The following GRB14 variants were observed in gnomAD, a reference collection of about 807,000 sequenced individuals.
The protein encoded by GRB14 is growth factor receptor-bound protein 14.
A neutral mutation model predicts 69.1 loss-of-function variants in GRB14; 38 were observed. The ratio of observed to expected loss-of-function variants is 0.55; its 90% CI spans 0.42 to 0.72. The LOEUF (loss-of-function observed/expected upper bound fraction) is 0.72, where lower values mean the gene tolerates loss of function less well. Among genes scored for constraint, GRB14 ranks in the 30% least tolerant of loss-of-function variants. The pLI is 0.00. For missense variants in GRB14, 666 were observed against 666.1 expected, an observed-to-expected ratio of 1.00 and a Z score of 0.00; for synonymous variants, 247 against 241.3, an observed-to-expected ratio of 1.02 and a Z score of -0.22.
chr2:164,565,527 A>G (rs562444435), intron 2 of GRB14, among the ~76,000 whole-genome samples: 1 of 152,316 alleles, frequency 6.6e-6, no homozygotes, highest in South Asian at 2.1e-4. Flanking sequence ...TTCTATTTCT[A>G]GCTCTGCCAC....
At chr2:164,620,957 C>G (rs1365668874) in intron 1 of GRB14, among the ~76,000 whole-genome samples, 162 bp downstream of exon 1, 1 of 152,172 alleles carries the variant, frequency 6.6e-6, no homozygotes, top group Non-Finnish European at 1.5e-5. Context: ...ATCGCAATGT[C>G]CTGCTGATCC....
chr2:164,567,585 C>T (rs915675964), intron 2 of GRB14, among the ~76,000 whole-genome samples: 2 of 152,112 alleles, frequency 1.3e-5, no homozygotes, highest in Non-Finnish European at 2.9e-5. Flanking sequence ...AAGTCCAGTG[C>T]AATGTTCTTA....
intron 1 of GRB14, among the ~76,000 whole-genome samples, chr2:164,620,436 T>C (rs988440859): frequency 3.9e-5 from 6 of 152,102 alleles, no homozygotes; most frequent in Admixed American, 3.3e-4. Context: ...GGTAAGTTAA[T>C]AGAACTTGCT....
intron 3 of GRB14, among the ~76,000 whole-genome samples, chr2:164,532,862 A>G (rs1687982690): frequency 6.6e-6 from 1 of 152,212 alleles, no homozygotes; most frequent in African/African-American, 2.4e-5. Flanking sequence ...ACAGAGGTTC[A>G]GAATAGCCAT....
At chr2:164,505,581 A>G (rs1253709838) in intron 8 of GRB14, among the ~76,000 whole-genome samples, 2 of 152,176 alleles carry the variant, frequency 1.3e-5, no homozygotes, top group Non-Finnish European at 2.9e-5. Context: ...CAGGCTTAGA[A>G]TAAGAAGAAG....
intron 3 of GRB14, among the ~76,000 whole-genome samples, chr2:164,542,715 G>C (rs1268598749): frequency 6.6e-6 from 1 of 152,060 alleles, no homozygotes; most frequent in African/African-American, 2.4e-5. Flanking sequence ...CAGTCAGAAT[G>C]GCTATCATCA....
chr2:164,515,697 A>G (rs943163638), intron 6 of GRB14, among the ~76,000 whole-genome samples: 1 of 152,082 alleles, frequency 6.6e-6, no homozygotes, highest in Non-Finnish European at 1.5e-5. Flanking sequence ...CCAGCAATGG[A>G]TCCAAACCAA....
intron 3 of GRB14, among the ~76,000 whole-genome samples, chr2:164,529,438 C>T (rs150422822): frequency 0.014 from 2,151 of 152,220 alleles, 41 homozygotes; most frequent in African/African-American, 0.047. Context: ...AACTTAAAAA[C>T]GAAACAAAGT....
At position 164,498,499 on chromosome 2, in the gene GRB14, A is replaced by G. The variant is rs116024453; in HGVS notation, c.1105-1009T>C. ...TCTAGTCAAGAATCCCACTCAGTTC[A>G]TAAGTTCATACAACATCAAGAAGGA... On this transcript the variant is annotated intron_variant, in intron 9 of 13. Transcript: ENST00000263915. Among the ~76,000 whole-genome samples the G allele has an allele frequency of 2.7e-3, 409 of 152,310 alleles. 5 individuals carry two copies. The highest frequency in any genetic ancestry group is 9.4e-3 in the African/African-American group (389 of 41,568).
At chr2:164,619,648 T>G (rs752401531) in intron 2 of GRB14, 39 bp downstream of exon 2, 1 of 1,441,528 alleles carries the variant, frequency 6.9e-7, no homozygotes, top group Non-Finnish European at 9.5e-7. Flanking sequence ...GATTCAGAAC[T>G]CCTAAGATTT....
Position 164,527,020 on chromosome 2 carries a change from G to A in GRB14, c.597C>T (p.Asn199=). 1 of 1,588,948 alleles carries A rather than the reference G, an allele frequency of 6.3e-7. No homozygotes were observed. The highest frequency in any genetic ancestry group is 2.3e-5 in the East Asian group (1 of 43,512). The change falls in exon 4 of 14, where the codon AAC becomes AAT. Residue 199 remains asparagine (N), a synonymous_variant. Transcript: ENST00000263915. ...KNYAKYEFFK[N]PMYFFPEHMV... ...TAGGAGGGATTTCACTTACCATTGG[G>A]TTTTTAAAGAACTCATATTTGGCAT...
At chr2:164,585,350 A>G (rs1443131089) in intron 2 of GRB14, among the ~76,000 whole-genome samples, 2 of 152,004 alleles carry the variant, frequency 1.3e-5, no homozygotes, top group Non-Finnish European at 2.9e-5. Flanking sequence ...AAAACAAGCT[A>G]AATGGTACAA....
rs1454643053 is a variant in GRB14, at chr2:164,569,612, G to A, written c.325-21796C>T. Among the ~76,000 whole-genome samples, 3 of 152,138 alleles carry A rather than the reference G, an allele frequency of 2.0e-5. No homozygotes were observed. The East Asian group carries it at 5.8e-4, about 29-fold the overall frequency. On this transcript the variant is annotated intron_variant, in intron 2 of 13. Coordinates refer to ENST00000263915, the MANE Select transcript of GRB14 (RefSeq NM_004490.3). ...CATTTCGTTATCTTGACTGCTACTA[G>A]GCAGTGTTCACTTTACTGCTTTATA...
chr2:164,550,509 A>C (rs1688507118), intron 2 of GRB14, among the ~76,000 whole-genome samples: 1 of 152,218 alleles, frequency 6.6e-6, no homozygotes, highest in South Asian at 2.1e-4. Context: ...GCAATGAAAT[A>C]GTTGCTCTCT....
chr2:164,585,113 TTTTTTTTTTTTTTTA>T (rs1689507694), intron 2 of GRB14, among the ~76,000 whole-genome samples: 1 of 120,486 alleles, frequency 8.3e-6, no homozygotes, highest in African/African-American at 3.6e-5. Flanking sequence ...TTTTTTTTTT[TTTTTTTTTTTTTTTA>T]GTAGAGATGG....
intron 2 of GRB14, among the ~76,000 whole-genome samples, chr2:164,591,056 T>C (rs949057994): frequency 2.0e-5 from 3 of 152,198 alleles, no homozygotes; most frequent in African/African-American, 2.4e-5. Flanking sequence ...ATAAAGCTGA[T>C]TGGAGATTAT....
In GRB14 at chr2:164,504,270, G is replaced by A. The variant is rs183983327; in HGVS notation, c.1024-1935C>T. The stretch of plus-strand genomic sequence containing the variant: ...CAAGTGGTGTGTGATGAAAAAAGAG[G>A]GCACTCTCGGTTTAGCCAAGATAAT... On this transcript the variant is annotated intron_variant, in intron 8 of 13. Transcript: ENST00000263915. Among the ~76,000 whole-genome samples the A allele has an allele frequency of 9.2e-5, 14 of 151,978 alleles. No homozygotes were observed. The East Asian group carries it at 1.7e-3, about 19-fold the overall frequency.
intron 2 of GRB14, among the ~76,000 whole-genome samples, chr2:164,566,578 T>C (rs2105326871): frequency 6.6e-6 from 1 of 152,252 alleles, no homozygotes; most frequent in South Asian, 2.1e-4. Flanking sequence ...AACCACCGCT[T>C]TCCAGAGTAA....
intron 6 of GRB14, among the ~76,000 whole-genome samples, chr2:164,512,111 A>G (rs907158350): frequency 3.3e-5 from 5 of 152,284 alleles, no homozygotes; most frequent in African/African-American, 1.2e-4. Context: ...CTGCTAAGCC[A>G]CAGTAGAATG....
Sources: allele counts gnomAD v4.1 joint callset (sites outside exome capture counted in the v4.1 genomes callset), GRCh38; gene constraint gnomAD v4.1.1; transcripts MANE v1.5; gene names NCBI Gene and HGNC (gene_info 2026-07-23, HGNC 2026-07-21).